The following EFEMP2 variants were observed in gnomAD, a reference collection of about 807,000 sequenced individuals.
EFEMP2 encodes EGF-like fibulin extracellular matrix protein 2.
A neutral mutation model predicts 55.3 loss-of-function variants in EFEMP2; 21 were observed. The ratio of observed to expected loss-of-function variants is 0.38; its 90% CI spans 0.27 to 0.55. The LOEUF (loss-of-function observed/expected upper bound fraction) is 0.55, where lower values mean the gene tolerates loss of function less well. EFEMP2 is among the 20% of genes least tolerant of loss of function. The probability of loss-of-function intolerance (pLI) is 0.77; values close to 1 mark genes in which losing one functional copy is unlikely to be tolerated. For synonymous variants in EFEMP2, 275 were observed against 242.3 expected (o/e 1.14, Z -1.25); for missense variants, 513 against 615.1 (o/e 0.83, Z 1.76).
chr11:65,872,295 C>T lies in EFEMP2; in HGVS notation c.60G>A (p.Leu20=), dbSNP rs1182840438. The T allele has an allele frequency of 6.4e-7, 1 of 1,551,648 alleles. No individual in the cohort carries two copies. The highest frequency in any genetic ancestry group is 1.4e-5 in the African/African-American group (1 of 73,066). The part of the protein sequence containing the change: ...GSLLLWALLL[L]LLGSASPQDS... ...CCTGAGGAGAAGCTGATCCCAAGAG[C>T]AACAGTAGCAGCGCCCAGAGCAGTA... The change falls in exon 2 of 11, where the codon TTG becomes TTA. Residue 20 remains leucine (L), a synonymous_variant. Transcript: ENST00000307998.
rs780024554 is a variant in EFEMP2 at position 65,871,344 on chromosome 11, G to T, written c.180C>A (p.Thr60=). The T allele has an allele frequency of 2.5e-6, 4 of 1,614,140 alleles. No individual in the cohort carries two copies. The highest frequency in any genetic ancestry group is 3.4e-6 in the Non-Finnish European group (4 of 1,180,000). The change falls in exon 4 of 11, where the codon ACC becomes ACA. Residue 60 remains threonine (T), a synonymous_variant. Coordinates refer to ENST00000307998, the MANE Select transcript of EFEMP2 (RefSeq NM_016938.5). ...TTTCCCCCTTGCAGGCCTCAGGGAT[G>T]GTCAGACACTCGTTGACATCTGCAG... ...QHCRDVNECL[T]IPEACKGEMK... is the part of the protein sequence containing the mutation.
At chr11:65,871,474 T>C in intron 3 of EFEMP2, 111 bp from the exon 4 acceptor site, 1 of 1,045,112 alleles carries the variant, frequency 9.6e-7, no homozygotes, top group Non-Finnish European at 1.5e-6. Context: ...CAGCAAAGCC[T>C]TCCCACTCTG....
chr11:65,870,630 G>GT lies in EFEMP2; in HGVS notation c.395dup (p.His132GlnfsTer11). 6.2e-7 allele frequency: 1 copy of GT among 1,614,018 alleles called. No homozygotes were observed. Among genetic ancestry groups the GT allele is most frequent in the African/African-American group, 1.3e-5 (1 of 75,026 alleles). On this transcript the variant is annotated frameshift_variant, in exon 5 of 11. Coordinates refer to ENST00000307998, the MANE Select transcript of EFEMP2 (RefSeq NM_016938.5). LOFTEE classifies it high-confidence loss of function. ...GGCAGTCCTGGCTGGGGCGACAGTC[G>GT]TGCAGGGCCTGGGCACACTCGTCCA...
At chr11:65,867,815 TCA>T in intron 10 of EFEMP2, 44 bp downstream of exon 10, 1 of 1,606,096 alleles carries the variant, frequency 6.2e-7, no homozygotes, top group Non-Finnish European at 8.5e-7. Flanking sequence ...GTCCTGGAGT[TCA>T]GTTTTAGATT....
intron 3 of EFEMP2, 43 bp downstream of exon 3, chr11:65,871,927 T>C (rs1438554158): frequency 6.4e-7 from 1 of 1,551,038 alleles, no homozygotes; most frequent in East Asian, 2.4e-5. Flanking sequence ...TATCAATCCC[T>C]TTCCGGGTTC....
At chr11:65,872,646 C>A in intron 1 of EFEMP2, 37 bp downstream of exon 1, 1 of 303,236 alleles carries the variant, frequency 3.3e-6, no homozygotes, top group South Asian at 3.0e-5. Flanking sequence ...GAGACTCCGG[C>A]CCACGCCCTC....
intron 10 of EFEMP2, chr11:65,867,401 C>T (rs1047249634): frequency 2.1e-6 from 1 of 482,190 alleles, no homozygotes. Context: ...AGCAGACTCC[C>T]TTCAGAGCAT....
intron 6 of EFEMP2, 62 bp downstream of exon 6, chr11:65,870,059 G>C (rs1256932052): frequency 1.4e-5 from 23 of 1,612,844 alleles, no homozygotes; most frequent in Admixed American, 3.3e-5. Context: ...GTCAAGAAGG[G>C]AGCGCCCCCA....
At chr11:65,869,638 A>G (rs912964929) in intron 7 of EFEMP2, 10 of 646,130 alleles carry the variant, frequency 1.5e-5, no homozygotes, top group Non-Finnish European at 2.7e-5. Flanking sequence ...CCTCAGTCTC[A>G]CCAGTAGGCT....
Position 65,867,326 on chromosome 11 carries a change from C to T in EFEMP2, c.1171-247G>A, listed in dbSNP as rs1859870567. 11 of 572,666 alleles carry T rather than the reference C, an allele frequency of 1.9e-5. No homozygotes were observed. In the South Asian group the frequency reaches 2.0e-4, roughly 11 times the overall value. The allele number at this position is 572,666 out of a possible 1,614,324, so 35.5% of individuals were successfully genotyped here. ...TCCAGCCTGCTCTGTCTGACCCAGG[C>T]TAACTGACGATTCAAGGCCACATGT... On this transcript the variant is annotated intron_variant, in intron 10 of 10. Coordinates refer to ENST00000307998, the MANE Select transcript of EFEMP2 (RefSeq NM_016938.5).
intron 7 of EFEMP2, chr11:65,868,908 A>G (rs1859914585): frequency 4.3e-6 from 2 of 464,526 alleles, no homozygotes; most frequent in Admixed American, 6.7e-5. Context: ...CAGCTGATCT[A>G]GGGGAATCTC....
chr11:65,871,358 T>A lies in EFEMP2; in HGVS notation c.166A>T (p.Asn56Tyr), dbSNP rs1357792181. Residue 56 changes from asparagine (N) to tyrosine (Y), a missense_variant, in exon 4 of 11, where the codon AAC (asparagine) becomes TAC (tyrosine). Asn to Tyr is a moderately radical substitution (Grantham distance 143, BLOSUM62 -2). Transcript: ENST00000307998. ...DPDSQHCRDV[N>Y]ECLTIPEACK... is the part of the protein sequence containing the mutation. ...GCCTCAGGGATGGTCAGACACTCGTTGACATCTGCAGAGAGGGGCCTGCTG... is the reference window on the plus strand; with the variant it reads ...GCCTCAGGGATGGTCAGACACTCGTAGACATCTGCAGAGAGGGGCCTGCTG... The A allele has an allele frequency of 6.2e-7, 1 of 1,614,140 alleles. No homozygotes were observed. The highest frequency in any genetic ancestry group is 8.5e-7 in the Non-Finnish European group (1 of 1,179,984).
chr11:65,872,094 G>T, intron 2 of EFEMP2, 76 bp from the exon 3 acceptor site: 2 of 1,539,946 alleles, frequency 1.3e-6, no homozygotes, highest in Non-Finnish European at 1.8e-6. Flanking sequence ...TAGGGCCTGA[G>T]CCTGGCCACC....
chr11:65,867,010 C>G lies in EFEMP2; in HGVS notation c.1240G>C (p.Asp414His). ...GAATTCATGGTGACCATCTCCAGGT[C>G]CAGCACGTACTCCCGGGGGCCCGTC... Reference protein sequence around the residue: ...PVTGPREYVLDLEMVTMNSLM... With the variant: ...PVTGPREYVLHLEMVTMNSLM... Residue 414 changes from aspartate to histidine, a missense_variant, in exon 11 of 11, where the codon GAC becomes CAC. Asp to His is a moderately conservative substitution (Grantham distance 81). Coordinates refer to ENST00000307998, the MANE Select transcript of EFEMP2 (RefSeq NM_016938.5). The G allele has an allele frequency of 6.2e-7, 1 of 1,614,196 alleles. No individual in the cohort carries two copies. The highest frequency in any genetic ancestry group is 8.5e-7 in the Non-Finnish European group (1 of 1,180,036).
chr11:65,872,406 C>T (rs1273988671), intron 1 of EFEMP2, 45 bp from the exon 2 acceptor site: 3 of 1,361,108 alleles, frequency 2.2e-6, no homozygotes, highest in African/African-American at 2.9e-5. Context: ...CCCGCGGCAC[C>T]TCAACTCCCT....
In EFEMP2 at chr11:65,870,292, G is replaced by A. The variant is rs1591067124; in HGVS notation, c.491-55C>T. The stretch of plus-strand genomic sequence containing the variant: ...GAGGGCAGAGGGCAGAGGGCAGGTG[G>A]GCTCGAGCCGGCTGGGACTCAAGGC... On this transcript the variant is annotated intron_variant, in intron 5 of 10. Coordinates refer to ENST00000307998, the MANE Select transcript of EFEMP2 (RefSeq NM_016938.5). The A allele has an allele frequency of 1.2e-5, 18 of 1,551,142 alleles. No individual in the cohort carries two copies. In the East Asian group the frequency reaches 4.0e-4, roughly 35 times the overall value.
At position 65,872,379 on chromosome 11, in the gene EFEMP2, C is replaced by G; in HGVS notation, c.-7-18G>C. On this transcript the variant is annotated intron_variant, in intron 1 of 10. Transcript: ENST00000307998. ...TCCTGGGGCTGCGAGATGGTGGACACGGGTCAGGGGCCTCTGCCCGCGGCA... is the reference window on the plus strand; with the variant it reads ...TCCTGGGGCTGCGAGATGGTGGACAGGGGTCAGGGGCCTCTGCCCGCGGCA... 6.6e-7 allele frequency: 1 copy of G among 1,514,414 alleles called. No homozygotes were observed. The highest frequency in any genetic ancestry group is 9.0e-7 in the Non-Finnish European group (1 of 1,114,504). 93.8% of individuals were successfully genotyped at this position (1,514,414 alleles called of 1,614,324 possible). A position where few individuals can be genotyped will look rare whatever the true frequency, so the allele number is the denominator to read the frequency against.
chr11:65,870,835 A>T, intron 4 of EFEMP2, 177 bp from the exon 5 acceptor site: 1 of 880,728 alleles, frequency 1.1e-6, no homozygotes, highest in Non-Finnish European at 1.8e-6. Flanking sequence ...TGCACAGGAA[A>T]TAAGGTCCTG....
intron 7 of EFEMP2, 141 bp from the exon 8 acceptor site, chr11:65,868,770 G>T: frequency 8.3e-7 from 1 of 1,211,636 alleles, no homozygotes; most frequent in Non-Finnish European, 1.2e-6. Context: ...CACAAGTTCA[G>T]CCGGGAGATG....
Sources: gnomAD v4.1 joint callset for allele counts on GRCh38, gnomAD v4.1.1 for gene constraint, MANE v1.5 for transcripts, NCBI Gene and HGNC (gene_info 2026-07-23, HGNC 2026-07-21) for gene names.